The following PTPN4 variants were observed in gnomAD, a reference collection of about 807,000 sequenced individuals.
PTPN4 encodes protein tyrosine phosphatase non-receptor type 4.
In PTPN4, 49 loss-of-function variants were observed where a neutral mutation model predicts 135.5. That is an observed-to-expected ratio of 0.36 (90% CI 0.29 to 0.46). The LOEUF (loss-of-function observed/expected upper bound fraction) is 0.46, where lower values mean the gene tolerates loss of function less well. Ranked by LOEUF, PTPN4 falls within the 20% of genes least tolerant of loss-of-function variation. The probability of loss-of-function intolerance (pLI) is 1.00; values close to 1 mark genes in which losing one functional copy is unlikely to be tolerated. For missense variants in PTPN4, 860 were observed against 1,101.0 expected (o/e 0.78, Z 3.10); for synonymous variants, 333 against 369.9 (o/e 0.90, Z 1.14).
intron 20 of PTPN4, 96 bp from the exon 21 acceptor site, chr2:119,956,748 A>C: frequency 6.4e-7 from 1 of 1,563,820 alleles, no homozygotes; most frequent in Middle Eastern, 1.8e-4. Context: ...AAGGCAAAGA[A>C]ACCTGTTTCC....
chr2:119,937,078 G>A (rs149883542), intron 15 of PTPN4, among the ~76,000 whole-genome samples: 9 of 152,180 alleles, frequency 5.9e-5, no homozygotes, highest in Non-Finnish European at 1.3e-4. Context: ...AGATAAGAAA[G>A]CCACACTTAG....
intron 2 of PTPN4, among the ~76,000 whole-genome samples, chr2:119,836,167 C>A (rs774289024): frequency 6.6e-6 from 1 of 152,064 alleles, no homozygotes; most frequent in Admixed American, 6.5e-5. Context: ...AGTGAAGATA[C>A]GCATACATGC....
At chr2:119,779,690 CTG>C (rs1477397694) in intron 1 of PTPN4, among the ~76,000 whole-genome samples, 4 of 150,802 alleles carry the variant, frequency 2.7e-5, no homozygotes, top group African/African-American at 4.9e-5. Flanking sequence ...TTTTTGATAA[CTG>C]TGGTTTTATT....
At chr2:119,817,331 C>CTTT (rs761567002) in intron 2 of PTPN4, among the ~76,000 whole-genome samples, 1 of 138,662 alleles carries the variant, frequency 7.2e-6, no homozygotes, top group African/African-American at 2.6e-5. Flanking sequence ...TTCCCCATTG[C>CTTT]TTTTTTTTTT....
chr2:119,763,325 G>C (rs565192800), intron 1 of PTPN4, among the ~76,000 whole-genome samples: 1 of 152,088 alleles, frequency 6.6e-6, no homozygotes, highest in Non-Finnish European at 1.5e-5. Context: ...AATTTGGGTT[G>C]GTTATTGTGT....
chr2:119,898,704 T>C (rs1678359892), intron 9 of PTPN4, among the ~76,000 whole-genome samples: 1 of 152,112 alleles, frequency 6.6e-6, no homozygotes, highest in African/African-American at 2.4e-5. Context: ...TCAAAGTGTA[T>C]TTTTCTAGAC....
chr2:119,854,768 A>C (rs1677647518), intron 2 of PTPN4, among the ~76,000 whole-genome samples: 1 of 152,216 alleles, frequency 6.6e-6, no homozygotes. Context: ...AGATGATTGG[A>C]ATTCATTAAA....
intron 9 of PTPN4, among the ~76,000 whole-genome samples, chr2:119,898,849 A>G (rs1424933347): frequency 6.6e-6 from 1 of 152,162 alleles, no homozygotes; most frequent in Non-Finnish European, 1.5e-5. Flanking sequence ...GAGTTCCTAC[A>G]TATTTCTGAA....
In PTPN4 at chr2:119,946,526, T is replaced by C. The variant is rs2105048162; in HGVS notation, c.1608T>C (p.Tyr536=). ...GRFGFNVKGG[Y]DQKMPVIVSR... ...CTTATTCTCTTTTTAAGGGAGGATATGATCAGAAGATGCCTGTGATTGTGT... is the reference window on the plus strand; with the variant it reads ...CTTATTCTCTTTTTAAGGGAGGATACGATCAGAAGATGCCTGTGATTGTGT... The change falls in exon 18 of 27, where the codon TAT becomes TAC. Residue 536 remains tyrosine (Y), a synonymous_variant. Coordinates refer to ENST00000263708, the MANE Select transcript of PTPN4 (RefSeq NM_002830.4). The C allele has an allele frequency of 6.2e-7, 1 of 1,609,076 alleles. No homozygotes were observed. Among genetic ancestry groups the C allele is most frequent in the Non-Finnish European group, 8.5e-7 (1 of 1,177,178 alleles).
rs192736937 is a variant in PTPN4, at chr2:119,875,907, T to C, written c.247-1416T>C. Among the ~76,000 whole-genome samples the C allele has an allele frequency of 3.3e-5, 5 of 152,270 alleles. No individual in the cohort carries two copies. In the East Asian group the frequency reaches 9.7e-4, roughly 29 times the overall value. On this transcript the variant is annotated intron_variant, in intron 3 of 26. Coordinates refer to ENST00000263708, the MANE Select transcript of PTPN4 (RefSeq NM_002830.4). ...ATTGAGGTAATGTAATGAAGGGATATAATGTTCCTTACTTGTTAAATGGGA... is the reference window on the plus strand; with the variant it reads ...ATTGAGGTAATGTAATGAAGGGATACAATGTTCCTTACTTGTTAAATGGGA...
At chr2:119,771,584 T>C (rs1039077751) in intron 1 of PTPN4, 13 of 152,272 alleles carry the variant, frequency 8.5e-5, no homozygotes, top group African/African-American at 3.1e-4. Flanking sequence ...TCTACAATGC[T>C]AAAGACCTGC....
chr2:119,912,191 T>G (rs1678581168), intron 10 of PTPN4, among the ~76,000 whole-genome samples: 1 of 152,186 alleles, frequency 6.6e-6, no homozygotes, highest in Non-Finnish European at 1.5e-5. Context: ...AAATACATAC[T>G]GTATGCTTCC....
chr2:119,769,432 A>C (rs1184785874), intron 1 of PTPN4, among the ~76,000 whole-genome samples: 1 of 152,196 alleles, frequency 6.6e-6, no homozygotes, highest in African/African-American at 2.4e-5. Context: ...ATAGATTCTT[A>C]AAAGGGGGAG....
intron 1 of PTPN4, among the ~76,000 whole-genome samples, chr2:119,769,252 A>T (rs531891271): frequency 5.3e-5 from 8 of 152,340 alleles, no homozygotes; most frequent in African/African-American, 1.9e-4. Flanking sequence ...TGAAGCTGCC[A>T]TGTTGCTGAG....
Position 119,946,586 on chromosome 2 carries a change from A to AC in PTPN4, c.1656+12_1656+13insC, listed in dbSNP as rs1415308452. Reference sequence around the variant, plus strand: ...CACCAGGAACACCTGTGAGTTATCTAAATGTTTCAAATAAATCCTGTTTTC... The same window carrying AC: ...CACCAGGAACACCTGTGAGTTATCTACAATGTTTCAAATAAATCCTGTTTTC... On this transcript the variant is annotated intron_variant, in intron 18 of 26. Transcript: ENST00000263708. The AC allele has an allele frequency of 6.6e-7, 1 of 1,505,952 alleles. No individual in the cohort carries two copies. The highest frequency in any genetic ancestry group is 9.0e-7 in the Non-Finnish European group (1 of 1,108,078). 93.3% of individuals were successfully genotyped at this position (1,505,952 alleles called of 1,614,324 possible). A position where few individuals can be genotyped will look rare whatever the true frequency, so the allele number is the denominator to read the frequency against.
intron 2 of PTPN4, among the ~76,000 whole-genome samples, 196 bp downstream of exon 2, chr2:119,810,187 ATGT>A (rs1005213832): frequency 1.3e-5 from 2 of 152,304 alleles, no homozygotes; most frequent in East Asian, 1.9e-4. Context: ...TGCTCACTGG[ATGT>A]TGTTGAGAAA....
At chr2:119,831,863 AG>A (rs1308385104) in intron 2 of PTPN4, among the ~76,000 whole-genome samples, 9 of 152,210 alleles carry the variant, frequency 5.9e-5, no homozygotes, top group African/African-American at 2.2e-4. Context: ...TACTTCTGCA[AG>A]TAACCTGTTG....
intron 11 of PTPN4, 198 bp downstream of exon 11, chr2:119,915,440 C>T (rs1412870860): frequency 2.9e-6 from 1 of 349,090 alleles, no homozygotes; most frequent in Non-Finnish European, 5.2e-6. Flanking sequence ...ATTTAAAGTT[C>T]TTCTAGATAT....
At chr2:119,836,536 G>C (rs1296477703) in intron 2 of PTPN4, among the ~76,000 whole-genome samples, 1 of 152,256 alleles carries the variant, frequency 6.6e-6, no homozygotes, top group African/African-American at 2.4e-5. Context: ...GCACTCCACG[G>C]AGCCTGCGGG....
Sources: allele counts gnomAD v4.1 joint callset (sites outside exome capture counted in the v4.1 genomes callset), GRCh38; gene constraint gnomAD v4.1.1; transcripts MANE v1.5; gene names NCBI Gene and HGNC (gene_info 2026-07-23, HGNC 2026-07-21).